FMNL2: variants seen among roughly 807,000 people sequenced by gnomAD.
FMNL2 encodes the protein formin like 2.
FMNL2 carries 51 observed loss-of-function variants against 130.2 expected under a neutral mutation model. The ratio of observed to expected loss-of-function variants is 0.39; its 90% CI spans 0.31 to 0.49. The LOEUF (loss-of-function observed/expected upper bound fraction) is 0.49, where lower values mean the gene tolerates loss of function less well. Among genes scored for constraint, FMNL2 ranks in the 20% least tolerant of loss-of-function variants. FMNL2 has a pLI of 0.85. For synonymous variants in FMNL2, 465 were observed against 467.1 expected, an observed-to-expected ratio of 1.00 and a Z score of 0.06; for missense variants, 977 against 1,316.2, an observed-to-expected ratio of 0.74 and a Z score of 3.99.
At chr2:152,452,292 G>A (rs1273879183) in intron 1 of FMNL2, among the ~76,000 whole-genome samples, 1 of 152,168 alleles carries the variant, frequency 6.6e-6, no homozygotes, top group Non-Finnish European at 1.5e-5. Flanking sequence ...ATCTAACTCT[G>A]AGAAGCTGGG....
chr2:152,466,131 A>G (rs1689518550), intron 1 of FMNL2, among the ~76,000 whole-genome samples: 1 of 151,892 alleles, frequency 6.6e-6, no homozygotes, highest in Non-Finnish European at 1.5e-5. Context: ...TGGTTAGGAG[A>G]CTCAAGAGAG....
intron 25 of FMNL2, among the ~76,000 whole-genome samples, chr2:152,641,198 G>A (rs1234362117): frequency 1.3e-5 from 2 of 149,940 alleles, no homozygotes; most frequent in African/African-American, 2.5e-5. Context: ...TTTTTTCCTC[G>A]TGGCCACACC....
At chr2:152,424,058 A>T (rs1030054452) in intron 1 of FMNL2, among the ~76,000 whole-genome samples, 1 of 152,182 alleles carries the variant, frequency 6.6e-6, no homozygotes. Flanking sequence ...AGGCTGGTAT[A>T]GTCATTAAGT....
Position 152,413,244 on chromosome 2 carries a change from C to T in FMNL2, c.117+77524C>T, listed in dbSNP as rs191165550. Among the ~76,000 whole-genome samples, 7 of 152,174 alleles carry T rather than the reference C, an allele frequency of 4.6e-5. No individual in the cohort carries two copies. In the East Asian group the frequency reaches 1.3e-3, roughly 29 times the overall value. On this transcript the variant is annotated intron_variant, in intron 1 of 25. Coordinates refer to ENST00000288670, the MANE Select transcript of FMNL2 (RefSeq NM_052905.4). The stretch of plus-strand genomic sequence containing the variant: ...CTGTAGAAATTAGTGTATTTATTCA[C>T]CAGTCATTGTGTTTAGTTGTCTGAG...
intron 20 of FMNL2, 96 bp downstream of exon 20, chr2:152,630,001 C>G: frequency 8.7e-7 from 1 of 1,150,574 alleles, no homozygotes; most frequent in South Asian, 1.5e-5. Flanking sequence ...TGAATATTTT[C>G]TGCTATGGGA....
At chr2:152,608,523 C>A (rs1016281418) in intron 10 of FMNL2, among the ~76,000 whole-genome samples, 1 of 147,632 alleles carries the variant, frequency 6.8e-6, no homozygotes, top group African/African-American at 2.5e-5. Flanking sequence ...GTGTGTGTGT[C>A]TATATATATA....
At chr2:152,411,428 A>G (rs1483362656) in intron 1 of FMNL2, among the ~76,000 whole-genome samples, 3 of 152,194 alleles carry the variant, frequency 2.0e-5, no homozygotes, top group African/African-American at 7.2e-5. Flanking sequence ...GAATCTGCCC[A>G]TAGGCCATCT....
chr2:152,479,225 C>T (rs1690342302), intron 1 of FMNL2, among the ~76,000 whole-genome samples: 1 of 148,792 alleles, frequency 6.7e-6, no homozygotes, highest in African/African-American at 2.6e-5. Flanking sequence ...CTGGGCTCAA[C>T]CAATCCTCCT....
In FMNL2 at chr2:152,480,092, C is replaced by T. The variant is rs541223734; in HGVS notation, c.118-41851C>T. ...TGTGAGTATCATGAGAAACTATGCC[C>T]CAGCTACCTGCTACCTCTTCAGCCT... On this transcript the variant is annotated intron_variant, in intron 1 of 25. Transcript: ENST00000288670. Among the ~76,000 whole-genome samples the T allele has an allele frequency of 3.3e-5, 5 of 152,192 alleles. 1 individual carries two copies. In the South Asian group the frequency reaches 1.0e-3, roughly 32 times the overall value.
At chr2:152,414,323 A>C (rs1686481289) in intron 1 of FMNL2, among the ~76,000 whole-genome samples, 1 of 152,174 alleles carries the variant, frequency 6.6e-6, no homozygotes, top group African/African-American at 2.4e-5. Flanking sequence ...TTCTTAATGA[A>C]TCTCACTGGG....
chr2:152,544,537 A>G (rs1032768471), intron 3 of FMNL2, among the ~76,000 whole-genome samples: 1 of 152,140 alleles, frequency 6.6e-6, no homozygotes, highest in African/African-American at 2.4e-5. Flanking sequence ...TCGATTTCTA[A>G]AGGTTTTCTG....
chr2:152,464,212 G>C (rs1476929024), intron 1 of FMNL2, among the ~76,000 whole-genome samples: 1 of 152,176 alleles, frequency 6.6e-6, no homozygotes, highest in Non-Finnish European at 1.5e-5. Context: ...CCAAAGTGCT[G>C]GGATTACAGG....
intron 3 of FMNL2, 127 bp from the exon 4 acceptor site, chr2:152,548,891 CAAA>C (rs2105528676): frequency 4.2e-6 from 3 of 719,098 alleles, no homozygotes; most frequent in Admixed American, 6.7e-5. Flanking sequence ...TGCTCTGCAA[CAAA>C]AAAAGTGAGG....
Position 152,335,550 on chromosome 2 carries a change from C to T in FMNL2, c.-54C>T. On this transcript the variant is annotated 5_prime_UTR_variant, in exon 1 of 26. Transcript: ENST00000288670. ...CGACCGCCGGGAGCTGTTCTGATTTCCGACGCGCACGCTAGGGGCCCGGAG... is the reference window on the plus strand; with the variant it reads ...CGACCGCCGGGAGCTGTTCTGATTTTCGACGCGCACGCTAGGGGCCCGGAG... 3.4e-6 allele frequency: 5 copies of T among 1,480,878 alleles called. No individual in the cohort carries two copies. Among genetic ancestry groups the T allele is most frequent in the Admixed American group, 1.9e-5 (1 of 51,856 alleles). 91.7% of individuals were successfully genotyped at this position (1,480,878 alleles called of 1,614,324 possible).
At chr2:152,594,204 A>G (rs1279512417) in intron 9 of FMNL2, among the ~76,000 whole-genome samples, 2 of 152,320 alleles carry the variant, frequency 1.3e-5, no homozygotes, top group Non-Finnish European at 2.9e-5. Flanking sequence ...ATGATTCTAT[A>G]TAAAACTTTG....
At chr2:152,419,803 G>A (rs1686814661) in intron 1 of FMNL2, among the ~76,000 whole-genome samples, 1 of 151,990 alleles carries the variant, frequency 6.6e-6, no homozygotes, top group Admixed American at 6.6e-5. Flanking sequence ...GACCTGTTTT[G>A]GAACTCTGGG....
chr2:152,595,467 C>T (rs796429057), intron 9 of FMNL2, among the ~76,000 whole-genome samples: 10 of 152,218 alleles, frequency 6.6e-5, no homozygotes, highest in East Asian at 3.9e-4. Context: ...ACTACAGACA[C>T]GCCACCACGC....
At chr2:152,604,655 G>T (rs1385910001) in intron 9 of FMNL2, among the ~76,000 whole-genome samples, 1 of 151,950 alleles carries the variant, frequency 6.6e-6, no homozygotes, top group Admixed American at 6.6e-5. Context: ...GAATGCAGTG[G>T]TATGATCTCG....
intron 22 of FMNL2, 59 bp downstream of exon 22, chr2:152,636,649 GT>G: frequency 6.6e-7 from 1 of 1,505,896 alleles, no homozygotes; most frequent in Non-Finnish European, 8.9e-7. Context: ...GCTGCCTGTG[GT>G]GCAGGCCCTG....
Sources: allele counts gnomAD v4.1 joint callset (sites outside exome capture counted in the v4.1 genomes callset), GRCh38; gene constraint gnomAD v4.1.1; transcripts MANE v1.5; gene names NCBI Gene and HGNC (gene_info 2026-07-23, HGNC 2026-07-21).